COG3: variants seen among roughly 807,000 people sequenced by gnomAD.
The protein encoded by COG3 is conserved oligomeric Golgi complex subunit 3.
COG3 carries 32 observed loss-of-function variants against 114.1 expected under a neutral mutation model. The ratio of observed to expected loss-of-function variants is 0.28; its 90% CI spans 0.21 to 0.38. The LOEUF (loss-of-function observed/expected upper bound fraction) is 0.38, where lower values mean the gene tolerates loss of function less well. Ranked by LOEUF, COG3 falls within the 10% of genes least tolerant of loss-of-function variation. The pLI is 1.00. For synonymous variants in COG3, 352 were observed against 365.7 expected, an observed-to-expected ratio of 0.96 and a Z score of 0.43; for missense variants, 813 against 973.2, an observed-to-expected ratio of 0.84 and a Z score of 2.19.
At chr13:45,491,814 C>T (rs113740404) in intron 10 of COG3, among the ~76,000 whole-genome samples, 1 of 152,064 alleles carries the variant, frequency 6.6e-6, no homozygotes, top group Non-Finnish European at 1.5e-5. Context: ...AACAATTTAG[C>T]TTTTGCTGCA....
intron 8 of COG3, among the ~76,000 whole-genome samples, 179 bp downstream of exon 8, chr13:45,486,754 C>T (rs1886694691): frequency 6.6e-6 from 1 of 152,090 alleles, no homozygotes; most frequent in African/African-American, 2.4e-5. Flanking sequence ...TCTTTAAGTC[C>T]ACAGAGCAGG....
intron 14 of COG3, among the ~76,000 whole-genome samples, chr13:45,508,483 T>A (rs1870494582): frequency 6.6e-6 from 1 of 151,132 alleles, no homozygotes. Context: ...GGGGTGTGTG[T>A]GTAAATATAT....
intron 2 of COG3, among the ~76,000 whole-genome samples, chr13:45,478,529 A>G (rs1251846375): frequency 5.5e-5 from 8 of 144,202 alleles, no homozygotes; most frequent in African/African-American, 2.1e-4. Context: ...CTGGAGTGCA[A>G]TGGCGCGATC....
chr13:45,492,667 A>G (rs750412109), intron 11 of COG3, among the ~76,000 whole-genome samples: 2 of 152,118 alleles, frequency 1.3e-5, no homozygotes, highest in African/African-American at 2.4e-5. Context: ...TTTCAGATCC[A>G]CTGTTAGTCA....
At chr13:45,491,062 C>G in intron 9 of COG3, 104 bp downstream of exon 9, 1 of 772,456 alleles carries the variant, frequency 1.3e-6, no homozygotes, top group Non-Finnish European at 2.2e-6. Context: ...TGCCTTCCAG[C>G]TTGTTCTTGT....
intron 7 of COG3, among the ~76,000 whole-genome samples, chr13:45,484,332 A>G (rs1886434206): frequency 6.6e-6 from 1 of 152,182 alleles, no homozygotes. Context: ...ATTGAGCTGC[A>G]CCAAACCTTT....
intron 16 of COG3, among the ~76,000 whole-genome samples, chr13:45,514,441 G>A (rs990152250): frequency 4.6e-5 from 7 of 152,124 alleles, no homozygotes; most frequent in African/African-American, 7.2e-5. Flanking sequence ...GATTACAGGA[G>A]TGAGCCACTG....
chr13:45,514,242 C>T (rs1456798128), intron 16 of COG3, among the ~76,000 whole-genome samples: 1 of 142,904 alleles, frequency 7.0e-6, no homozygotes, highest in African/African-American at 2.7e-5. Flanking sequence ...CTCACTGCAA[C>T]CTCCACCTCC....
intron 8 of COG3, among the ~76,000 whole-genome samples, chr13:45,486,911 G>A (rs891999627): frequency 6.6e-6 from 1 of 152,170 alleles, no homozygotes; most frequent in African/African-American, 2.4e-5. Flanking sequence ...GTTTGTAGGA[G>A]ACATAAAAGA....
intron 5 of COG3, 63 bp downstream of exon 5, chr13:45,481,367 G>C: frequency 1.2e-6 from 1 of 849,004 alleles, no homozygotes. Context: ...GCCTTTCTTC[G>C]TGTCATCTTT....
intron 16 of COG3, among the ~76,000 whole-genome samples, chr13:45,515,585 A>G (rs1369283759): frequency 6.6e-6 from 1 of 152,260 alleles, no homozygotes; most frequent in Non-Finnish European, 1.5e-5. Flanking sequence ...GCAGAAGGAC[A>G]TGCTGGACCT....
chr13:45,524,194 A>G (rs920485354), intron 19 of COG3, among the ~76,000 whole-genome samples: 1 of 152,180 alleles, frequency 6.6e-6, no homozygotes, highest in African/African-American at 2.4e-5. Context: ...GGCTTTTCTA[A>G]TGAGACTTTC....
At chr13:45,493,257 T>C (rs921357810) in intron 11 of COG3, 90 bp from the exon 12 acceptor site, 3 of 1,028,486 alleles carry the variant, frequency 2.9e-6, no homozygotes, top group Admixed American at 4.2e-5. Context: ...ATTGTTCTTA[T>C]TGACTGGAAG....
intron 14 of COG3, among the ~76,000 whole-genome samples, chr13:45,508,403 T>TATATATACACAC (rs1352468701): frequency 7.5e-6 from 1 of 133,050 alleles, no homozygotes; most frequent in Non-Finnish European, 1.5e-5. Flanking sequence ...TATATATATA[T>TATATATACACAC]ACACACACAC....
chr13:45,516,257 A>G lies in COG3; in HGVS notation c.1924A>G (p.Thr642Ala). ...IKEISLDLKK[T>A]RDAAFKILNP... ...GGAAATTTCCCTGGACCTCAAGAAA[A>G]CTAGAGGTACTTTGCTGTCCTGGCT... The change falls in exon 17 of 23, where the codon ACT (threonine) becomes GCT (alanine). Residue 642 changes from threonine (T) to alanine (A), a missense_variant. Around this residue, in one of 2 missense-constraint regions of COG3, gnomAD observed 389 missense variants for 542.6 expected, o/e 0.72. Coordinates refer to ENST00000349995, the MANE Select transcript of COG3 (RefSeq NM_031431.4). 1 of 1,586,482 alleles carries G rather than the reference A, an allele frequency of 6.3e-7. No homozygotes were observed.
In COG3 at chr13:45,486,513, A is replaced by G; in HGVS notation, c.862A>G (p.Asn288Asp). Reference protein sequence around the residue: ...LLKRDPSSVPNADNAFTLFYV... With the variant: ...LLKRDPSSVPDADNAFTLFYV... Reference sequence around the variant, plus strand: ...TCTTTAGGATCCTTCATCTGTACCTAATGCAGACAATGCCTTCACATTATT... The same window carrying G: ...TCTTTAGGATCCTTCATCTGTACCTGATGCAGACAATGCCTTCACATTATT... The change falls in exon 8 of 23, where the codon AAT (asparagine) becomes GAT (aspartate). Residue 288 changes from asparagine (N) to aspartate (D), a missense_variant. Asn to Asp is a conservative substitution (Grantham distance 23). Coordinates refer to ENST00000349995, the MANE Select transcript of COG3 (RefSeq NM_031431.4). The G allele has an allele frequency of 1.2e-6, 2 of 1,606,990 alleles. No individual in the cohort carries two copies. The highest frequency in any genetic ancestry group is 1.7e-6 in the Non-Finnish European group (2 of 1,173,586).
At chr13:45,491,077 T>A (rs1886990919) in intron 9 of COG3, 119 bp downstream of exon 9, 6 of 686,978 alleles carry the variant, frequency 8.7e-6, no homozygotes, top group African/African-American at 1.8e-5. Flanking sequence ...TCTTGTAACA[T>A]ACCACTTATT....
chr13:45,535,202 T>C lies in COG3; in HGVS notation c.*471T>C. 2.0e-6 allele frequency: 2 copies of C among 986,310 alleles called. No homozygotes were observed. Among genetic ancestry groups the C allele is most frequent in the Non-Finnish European group, 2.4e-6 (2 of 830,518 alleles). 61.1% of individuals were successfully genotyped at this position (986,310 alleles called of 1,614,324 possible). The stretch of plus-strand genomic sequence containing the variant: ...ATGTTATTTCTATGCTCTTATTTAA[T>C]GTAATGTTTCTCCTGTCATTTTTGA... On this transcript the variant is annotated 3_prime_UTR_variant, in exon 23 of 23. Coordinates refer to ENST00000349995, the MANE Select transcript of COG3 (RefSeq NM_031431.4).
chr13:45,494,546 T>TG (rs1439939679), intron 12 of COG3, among the ~76,000 whole-genome samples: 1 of 152,110 alleles, frequency 6.6e-6, no homozygotes, highest in Non-Finnish European at 1.5e-5. Flanking sequence ...GTTTTTGAGT[T>TG]GGGGGTCTCA....
Sources: allele counts gnomAD v4.1 joint callset (sites outside exome capture counted in the v4.1 genomes callset), GRCh38; gene constraint gnomAD v4.1.1; regional missense constraint gnomAD v4.1.1; transcripts MANE v1.5; gene names NCBI Gene and HGNC (gene_info 2026-07-23, HGNC 2026-07-21).